Variants in STAG1 observed in about 807,000 individuals in gnomAD.
STAG1 encodes the protein cohesin subunit SA-1.
A neutral mutation model predicts 170.9 loss-of-function variants in STAG1; 26 were observed. The ratio of observed to expected loss-of-function variants is 0.15; its 90% CI spans 0.11 to 0.21. The LOEUF (loss-of-function observed/expected upper bound fraction) is 0.21, where lower values mean the gene tolerates loss of function less well. Ranked by LOEUF, STAG1 falls within the 10% of genes least tolerant of loss-of-function variation. STAG1 has a pLI of 1.00. For synonymous variants in STAG1, 514 were observed against 497.7 expected, an observed-to-expected ratio of 1.03 and a Z score of -0.44; for missense variants, 964 against 1,509.5, an observed-to-expected ratio of 0.64 and a Z score of 5.99.
intron 1 of STAG1, among the ~76,000 whole-genome samples, chr3:136,700,117 C>T (rs1180380509): frequency 6.6e-6 from 1 of 150,826 alleles, no homozygotes; most frequent in African/African-American, 2.4e-5. Flanking sequence ...TGTTCTACAA[C>T]ATGCCTATAA....
intron 22 of STAG1, among the ~76,000 whole-genome samples, chr3:136,380,356 C>A (rs542379953): frequency 6.6e-6 from 1 of 152,028 alleles, no homozygotes. Context: ...ATTCTGCTGC[C>A]TCAGCCTCCT....
At chr3:136,715,685 T>G (rs376417168) in intron 1 of STAG1, among the ~76,000 whole-genome samples, 1 of 151,696 alleles carries the variant, frequency 6.6e-6, no homozygotes. Flanking sequence ...TATTTCACAA[T>G]AAAAGGGAAT....
rs115523481 is a variant in STAG1, at chr3:136,694,443, G to A, written c.-84+57752C>T. The stretch of plus-strand genomic sequence containing the variant: ...CTAGCCTGGGCAACATAGTGAGACC[G>A]TGTCTCAACAAAATAAAAAAAAATT... On this transcript the variant is annotated intron_variant, in intron 1 of 33. Transcript: ENST00000383202. 3.7e-3 allele frequency among the ~76,000 whole-genome samples: 569 copies of A among 151,836 alleles called. 4 individuals carry two copies. Among genetic ancestry groups the A allele is most frequent in the African/African-American group, 0.012 (478 of 41,400 alleles).
chr3:136,568,309 A>C lies in STAG1; in HGVS notation c.394+456T>G, dbSNP rs556093780. 7.2e-5 allele frequency among the ~76,000 whole-genome samples: 11 copies of C among 152,298 alleles called. No homozygotes were observed. The South Asian group carries it at 2.1e-3, about 29-fold the overall frequency. On this transcript the variant is annotated intron_variant, in intron 5 of 33. Transcript: ENST00000383202. ...TTTAACAAACTGTCTTACAGTTGTA[A>C]ACTTAAGACACCTGATTCTGCTACT...
intron 4 of STAG1, among the ~76,000 whole-genome samples, chr3:136,602,277 G>A (rs1938709643): frequency 6.6e-6 from 1 of 151,510 alleles, no homozygotes; most frequent in African/African-American, 2.4e-5. Flanking sequence ...TACTTGGGAA[G>A]TTGAGGCAGA....
chr3:136,692,978 TG>T (rs1424669011), intron 1 of STAG1, among the ~76,000 whole-genome samples: 3 of 152,198 alleles, frequency 2.0e-5, no homozygotes, highest in African/African-American at 7.2e-5. Context: ...CCAGCAGAGA[TG>T]TCTTCGGTGT....
At chr3:136,344,412 G>T (rs1164732116) in intron 29 of STAG1, among the ~76,000 whole-genome samples, 1 of 151,998 alleles carries the variant, frequency 6.6e-6, no homozygotes, top group Admixed American at 6.6e-5. Context: ...GCCTCGTAGG[G>T]GTCCCAGGCA....
At chr3:136,548,475 C>T (rs1337014346) in intron 5 of STAG1, among the ~76,000 whole-genome samples, 2 of 152,072 alleles carry the variant, frequency 1.3e-5, no homozygotes, top group Admixed American at 6.6e-5. Context: ...GTGCTTCCAG[C>T]TTTGTTCTTC....
At chr3:136,751,063 C>CACT (rs1416500889) in intron 1 of STAG1, among the ~76,000 whole-genome samples, 11 of 152,234 alleles carry the variant, frequency 7.2e-5, no homozygotes, top group Admixed American at 3.3e-4. Flanking sequence ...CTCAAGTAAA[C>CACT]ACTATTTTTG....
intron 4 of STAG1, among the ~76,000 whole-genome samples, chr3:136,574,228 C>T (rs888327934): frequency 2.6e-5 from 4 of 151,360 alleles, no homozygotes; most frequent in Non-Finnish European, 4.4e-5. Flanking sequence ...GTGACATGAG[C>T]GAAACTCTGT....
At chr3:136,514,080 T>C (rs1934219654) in intron 7 of STAG1, among the ~76,000 whole-genome samples, 1 of 152,192 alleles carries the variant, frequency 6.6e-6, no homozygotes, top group Admixed American at 6.5e-5. Flanking sequence ...ATTTTTGTAC[T>C]TTTCTCTTTT....
At chr3:136,377,896 T>C in intron 22 of STAG1, 144 bp from the exon 23 acceptor site, 5 of 659,550 alleles carry the variant, frequency 7.6e-6, no homozygotes, top group Non-Finnish European at 1.3e-5. Flanking sequence ...AACCATTTAA[T>C]GTAGTCATTT....
rs71157389 is a variant in STAG1 at position 136,498,249 on chromosome 3, TACAC to T, written c.902+1970_902+1973del. On this transcript the variant is annotated intron_variant, in intron 9 of 33. Coordinates refer to ENST00000383202, the MANE Select transcript of STAG1 (RefSeq NM_005862.3). ...ATATATATATACACATACATATACATACACACACACACACACACACACACCACAC... is the reference window on the plus strand; with the variant it reads ...ATATATATATACACATACATATACATACACACACACACACACACACCACAC... Among the ~76,000 whole-genome samples the T allele has an allele frequency of 4.3e-4, 32 of 73,678 alleles. 3 individuals are homozygous for T. The highest frequency in any genetic ancestry group is 1.7e-3 in the East Asian group (3 of 1,804). The allele number at this position is 73,678 out of a possible 152,430, so 48.3% of individuals were successfully genotyped here. A position where few individuals can be genotyped will look rare whatever the true frequency, so the allele number is the denominator to read the frequency against.
At chr3:136,429,109 C>A (rs939965084) in intron 16 of STAG1, among the ~76,000 whole-genome samples, 1 of 151,790 alleles carries the variant, frequency 6.6e-6, no homozygotes, top group African/African-American at 2.4e-5. Context: ...TGCACTCCAG[C>A]CTGGAACAGA....
intron 13 of STAG1, among the ~76,000 whole-genome samples, chr3:136,463,706 C>T (rs1449600339): frequency 1.5e-5 from 2 of 135,888 alleles, no homozygotes; most frequent in African/African-American, 6.0e-5. Flanking sequence ...AGCAAGACCC[C>T]ATCTCTCTAA....
At chr3:136,350,432 T>C (rs1038578599) in intron 28 of STAG1, among the ~76,000 whole-genome samples, 3 of 152,130 alleles carry the variant, frequency 2.0e-5, no homozygotes, top group Non-Finnish European at 2.9e-5. Context: ...AAGCTCCTTT[T>C]ATCCCACCAA....
intron 6 of STAG1, among the ~76,000 whole-genome samples, chr3:136,539,235 C>T (rs936376453): frequency 1.3e-5 from 2 of 152,008 alleles, no homozygotes; most frequent in Admixed American, 6.5e-5. Flanking sequence ...CTATCATATC[C>T]GTAATATTTC....
At chr3:136,591,387 G>A (rs1412206557) in intron 4 of STAG1, 4 of 158,080 alleles carry the variant, frequency 2.5e-5, no homozygotes, top group African/African-American at 4.9e-5. Context: ...GGGAAGGAAG[G>A]AAATTGTTTA....
At chr3:136,501,117 G>A (rs1325732328) in intron 8 of STAG1, among the ~76,000 whole-genome samples, 1 of 152,036 alleles carries the variant, frequency 6.6e-6, no homozygotes, top group Non-Finnish European at 1.5e-5. Context: ...TACTTTTATT[G>A]CAAAATCATT....
Sources: allele counts gnomAD v4.1 joint callset (sites outside exome capture counted in the v4.1 genomes callset), GRCh38; gene constraint gnomAD v4.1.1; transcripts MANE v1.5; gene names NCBI Gene and HGNC (gene_info 2026-07-23, HGNC 2026-07-21).